HIGD1B: variants seen among roughly 807,000 people sequenced by gnomAD.
HIGD1B encodes the protein HIG1 domain family member 1B.
A neutral mutation model predicts 8.8 loss-of-function variants in HIGD1B; 9 were observed. The observed-to-expected ratio is 1.02, with a 90% confidence interval of 0.62 to 1.78. The LOEUF (loss-of-function observed/expected upper bound fraction) is 1.78, where lower values mean the gene tolerates loss of function less well. HIGD1B is among the 40% of genes most tolerant of loss of function. HIGD1B has a pLI of 0.00. For synonymous variants in HIGD1B, 47 were observed against 38.8 expected, an observed-to-expected ratio of 1.21 and a Z score of -0.78; for missense variants, 126 against 111.8, an observed-to-expected ratio of 1.13 and a Z score of -0.57.
chr17:44,848,290 C>A (rs949938687), intron 1 of HIGD1B, 38 bp downstream of exon 1: 4 of 858,606 alleles, frequency 4.7e-6, no homozygotes, highest in Non-Finnish European at 8.2e-6. Flanking sequence ...AGTAGGAGGC[C>A]TTCTCTGTCA....
chr17:44,849,058 G>A (rs747427836), intron 1 of HIGD1B, 196 bp from the exon 2 acceptor site: 4 of 559,958 alleles, frequency 7.1e-6, no homozygotes, highest in Admixed American at 3.3e-5. Flanking sequence ...TTACAGGCGT[G>A]AGCCACCATG....
At chr17:44,847,596 AT>A (rs1372644498), upstream of HIGD1B, among the ~76,000 whole-genome samples, 3 of 152,242 alleles carry the variant, frequency 2.0e-5, no homozygotes, top group East Asian at 5.8e-4. Flanking sequence ...CATGTGCAAA[AT>A]ATATGCTAAA....
chr17:44,845,078 T>C (rs7213240), upstream of HIGD1B, among the ~76,000 whole-genome samples: 100,559 of 151,484 alleles, frequency 0.66, 34,154 homozygotes, highest in African/African-American at 0.81. Flanking sequence ...GCCAACATGA[T>C]GAAACCCCAT....
At chr17:44,846,962 C>T (rs918877688), upstream of HIGD1B, among the ~76,000 whole-genome samples, 26 of 151,588 alleles carry the variant, frequency 1.7e-4, no homozygotes, top group Non-Finnish European at 3.4e-4. Context: ...GGTAAGACCC[C>T]GTCTCTACTA....
chr17:44,847,976 T>C lies in HIGD1B; in HGVS notation c.-177T>C. On this transcript the variant is annotated 5_prime_UTR_variant, in exon 1 of 3. Coordinates refer to ENST00000253410, the MANE Select transcript of HIGD1B (RefSeq NM_016438.4). ...GCCCAGCCACCTGAGATGGGATACC[T>C]GGGAGGGACATCTTTTCAAGTAGAG... 1.9e-6 allele frequency: 1 copy of C among 519,778 alleles called. No individual in the cohort carries two copies. Among genetic ancestry groups the C allele is most frequent in the South Asian group, 2.5e-5 (1 of 39,288 alleles). 32.2% of individuals were successfully genotyped at this position (519,778 alleles called of 1,614,324 possible). A position where few individuals can be genotyped will look rare whatever the true frequency, so the allele number is the denominator to read the frequency against.
At chr17:44,849,434 G>A (rs768564252) in intron 2 of HIGD1B, 46 bp downstream of exon 2, 1 of 1,609,696 alleles carries the variant, frequency 6.2e-7, no homozygotes. Context: ...AACCGATTAT[G>A]CAGTTTGTAG....
rs1319900631 is a variant in HIGD1B, at chr17:44,848,161, T to C, written c.9T>C (p.Ala3=). Residue 3 remains alanine, a synonymous_variant, in exon 1 of 3, where the codon GCT becomes GCC. Coordinates refer to ENST00000253410, the MANE Select transcript of HIGD1B (RefSeq NM_016438.4). The part of the protein sequence containing the change: MS[A]NRRWWVPPDD... ...CATCCAGGTCCAGGATTATGTCTGC[T>C]AACAGACGCTGGTGGGTACCACCTG... is the stretch of plus-strand genomic sequence containing the variant. 2.3e-6 allele frequency: 2 copies of C among 872,600 alleles called. No individual in the cohort carries two copies. The highest frequency in any genetic ancestry group is 3.4e-5 in the Admixed American group (2 of 59,162). The allele number at this position is 872,600 out of a possible 1,614,324, so 54.1% of individuals were successfully genotyped here.
At chr17:44,850,063 C>T (rs2050412062) in intron 2 of HIGD1B, 1 of 351,714 alleles carries the variant, frequency 2.8e-6, no homozygotes, top group Non-Finnish European at 5.3e-6. Flanking sequence ...TGACAATAAC[C>T]ACCCCTGGCC....
rs1215345989 is a variant in HIGD1B, at chr17:44,848,272, G to C, written c.100+20G>C. ...CTATAGGTAAGTGAAGAAAGGAATG[G>C]GGTGCCGAGTAGGAGGCCTTCTCTG... is the stretch of plus-strand genomic sequence containing the variant. On this transcript the variant is annotated intron_variant, in intron 1 of 2. Transcript: ENST00000253410. 1.1e-6 allele frequency: 1 copy of C among 870,306 alleles called. No homozygotes were observed. Among genetic ancestry groups the C allele is most frequent in the African/African-American group, 1.6e-5 (1 of 61,242 alleles). 53.9% of individuals were successfully genotyped at this position (870,306 alleles called of 1,614,324 possible). A position where few individuals can be genotyped will look rare whatever the true frequency, so the allele number is the denominator to read the frequency against.
At chr17:44,845,608 G>A (rs2050316023), upstream of HIGD1B, among the ~76,000 whole-genome samples, 1 of 151,892 alleles carries the variant, frequency 6.6e-6, no homozygotes, top group Non-Finnish European at 1.5e-5. Context: ...GACAGAGGGA[G>A]ACCCCATCTC....
chr17:44,849,739 A>G (rs1336932298), intron 2 of HIGD1B, among the ~76,000 whole-genome samples: 1 of 140,612 alleles, frequency 7.1e-6, no homozygotes, highest in African/African-American at 2.7e-5. Flanking sequence ...AGCCCGGGTG[A>G]CAGAGTGAGA....
At position 44,849,914 on chromosome 17, in the gene HIGD1B, T is replaced by C. The variant is rs144013804; in HGVS notation, c.236-418T>C. The C allele has an allele frequency of 1.9e-3, 379 of 197,908 alleles. 1 individual carries two copies. Among genetic ancestry groups the C allele is most frequent in the African/African-American group, 7.9e-3 (347 of 43,846 alleles). 12.3% of individuals were successfully genotyped at this position (197,908 alleles called of 1,614,324 possible). A position where few individuals can be genotyped will look rare whatever the true frequency, so the allele number is the denominator to read the frequency against. On this transcript the variant is annotated intron_variant, in intron 2 of 2. Coordinates refer to ENST00000253410, the MANE Select transcript of HIGD1B (RefSeq NM_016438.4). ...GACAGTGTCTCATGACAGTTTGCCC[T>C]AGGGGTGAGAAAAATCATGCAACAG...
At chr17:44,847,584 C>A (rs1186740574), upstream of HIGD1B, among the ~76,000 whole-genome samples, 1 of 152,260 alleles carries the variant, frequency 6.6e-6, no homozygotes, top group East Asian at 1.9e-4. Flanking sequence ...TTCCTTAGTA[C>A]TCATGTGCAA....
At chr17:44,846,737 G>A (rs1227672854), upstream of HIGD1B, among the ~76,000 whole-genome samples, 2 of 151,278 alleles carry the variant, frequency 1.3e-5, no homozygotes, top group African/African-American at 4.9e-5. Context: ...AAGCTTGCAG[G>A]GATTGACACT....
chr17:44,848,490 C>T (rs1456145300), intron 1 of HIGD1B, among the ~76,000 whole-genome samples: 5 of 152,312 alleles, frequency 3.3e-5, no homozygotes, highest in Non-Finnish European at 7.3e-5. Context: ...AGCACCAACA[C>T]CAAAGTGGGA....
At chr17:44,848,346 C>T in intron 1 of HIGD1B, 94 bp downstream of exon 1, 2 of 729,900 alleles carry the variant, frequency 2.7e-6, no homozygotes, top group South Asian at 3.2e-5. Context: ...GGTCAGAAAA[C>T]TCAAGTGGTC....
upstream of HIGD1B, among the ~76,000 whole-genome samples, chr17:44,846,581 G>A (rs919375910): frequency 3.3e-5 from 5 of 152,076 alleles, no homozygotes; most frequent in Admixed American, 3.3e-4. Flanking sequence ...CAGATCGCCT[G>A]AGACCAGGAG....
At chr17:44,849,070 C>T in intron 1 of HIGD1B, 184 bp from the exon 2 acceptor site, 2 of 600,126 alleles carry the variant, frequency 3.3e-6, no homozygotes, top group Non-Finnish European at 5.6e-6. Flanking sequence ...GCCACCATGC[C>T]CCGGCAACAA....
At position 44,849,251 on chromosome 17, in the gene HIGD1B, C is replaced by T. The variant is rs2050380394; in HGVS notation, c.101-3C>T. ...GCCCAGGGGCTGTGTTCTCTGCCCACAGGCTTAGGAGGCTGCTTGGTGGTA... is the reference window on the plus strand; with the variant it reads ...GCCCAGGGGCTGTGTTCTCTGCCCATAGGCTTAGGAGGCTGCTTGGTGGTA... On this transcript the variant is annotated splice_polypyrimidine_tract_variant and splice_region_variant and intron_variant, in intron 1 of 2. Transcript: ENST00000253410. 6.2e-7 allele frequency: 1 copy of T among 1,613,870 alleles called. No homozygotes were observed. Among genetic ancestry groups the T allele is most frequent in the Non-Finnish European group, 8.5e-7 (1 of 1,179,912 alleles).
Sources: gnomAD v4.1 joint callset for allele counts (sites outside exome capture counted in the v4.1 genomes callset) on GRCh38, gnomAD v4.1.1 for gene constraint, MANE v1.5 for transcripts, NCBI Gene and HGNC (gene_info 2026-07-23, HGNC 2026-07-21) for gene names.